Variants in PRKN observed in about 807,000 individuals in gnomAD.
PRKN encodes E3 ubiquitin-protein ligase parkin.
A neutral mutation model predicts 59.5 loss-of-function variants in PRKN; 56 were observed. That is an observed-to-expected ratio of 0.94 (90% CI 0.76 to 1.18). The LOEUF is 1.18. Ranked by LOEUF, PRKN falls within the 50% of genes most tolerant of loss-of-function variation. The pLI, the probability that PRKN is intolerant of heterozygous loss-of-function variation, is 0.00. For synonymous variants in PRKN, 250 were observed against 222.1 expected (o/e 1.13, Z -1.12); for missense variants, 657 against 596.4 (o/e 1.10, Z -1.06).
intron 2 of PRKN, among the ~76,000 whole-genome samples, chr6:162,276,456 T>C (rs767241451): frequency 2.0e-5 from 3 of 152,196 alleles, no homozygotes; most frequent in Non-Finnish European, 4.4e-5. Flanking sequence ...GTGGCTATGA[T>C]TACAACTAAA....
chr6:161,452,913 T>C (rs1410692046), intron 9 of PRKN, among the ~76,000 whole-genome samples: 1 of 151,812 alleles, frequency 6.6e-6, no homozygotes, highest in African/African-American at 2.4e-5. Context: ...AATACCTCCA[T>C]TCAAGTCACT....
intron 6 of PRKN, among the ~76,000 whole-genome samples, chr6:161,875,052 A>G (rs1177972607): frequency 8.4e-6 from 1 of 119,628 alleles, no homozygotes; most frequent in African/African-American, 3.6e-5. Flanking sequence ...TATATTATAT[A>G]TAAAGTATAT....
intron 4 of PRKN, among the ~76,000 whole-genome samples, chr6:162,160,934 T>C (rs1047852205): frequency 2.0e-5 from 3 of 149,022 alleles, no homozygotes; most frequent in Non-Finnish European, 3.0e-5. Flanking sequence ...GAGGGGACTT[T>C]CTATCAGGCA....
intron 2 of PRKN, among the ~76,000 whole-genome samples, chr6:162,300,857 C>T (rs78515129): frequency 0.058 from 8,848 of 152,114 alleles, 341 homozygotes; most frequent in Middle Eastern, 0.14. Flanking sequence ...TTGTCTTCAA[C>T]CTATACATTA....
chr6:161,975,627 C>T (rs1789994), intron 5 of PRKN, among the ~76,000 whole-genome samples: 34,805 of 151,856 alleles, frequency 0.23, 4,201 homozygotes, highest in South Asian at 0.27. Context: ...GGAGGGGGCA[C>T]GGACTTGCTA....
chr6:161,731,853 C>A (rs1349734599), intron 7 of PRKN, among the ~76,000 whole-genome samples: 3 of 152,076 alleles, frequency 2.0e-5, no homozygotes, highest in Non-Finnish European at 4.4e-5. Flanking sequence ...TATACACACA[C>A]CAAATATAAA....
chr6:162,239,145 T>C (rs993230824), intron 3 of PRKN, among the ~76,000 whole-genome samples: 3 of 152,150 alleles, frequency 2.0e-5, no homozygotes, highest in African/African-American at 4.8e-5. Context: ...AAGTACACTA[T>C]GGATTTGATG....
intron 1 of PRKN, among the ~76,000 whole-genome samples, chr6:162,499,920 G>T (rs1793282292): frequency 6.6e-6 from 1 of 152,040 alleles, no homozygotes. Flanking sequence ...CAAAAAAAAG[G>T]TTGCCTTGAC....
At chr6:162,151,161 CCT>C (rs1194384873) in intron 4 of PRKN, among the ~76,000 whole-genome samples, 2 of 152,126 alleles carry the variant, frequency 1.3e-5, no homozygotes, top group Non-Finnish European at 2.9e-5. Flanking sequence ...CCTGAAATTT[CCT>C]CTGTCTTGAA....
At chr6:162,476,471 CTG>C (rs1441175673) in intron 1 of PRKN, among the ~76,000 whole-genome samples, 2 of 152,164 alleles carry the variant, frequency 1.3e-5, no homozygotes, top group Non-Finnish European at 2.9e-5. Context: ...GACTCATAAA[CTG>C]TGTAAATTCA....
chr6:162,640,641 T>G (rs773297250), intron 1 of PRKN, among the ~76,000 whole-genome samples: 37 of 152,232 alleles, frequency 2.4e-4, no homozygotes, highest in Non-Finnish European at 4.0e-4. Context: ...TAAGTTTTAT[T>G]CTGCTGGATA....
intron 7 of PRKN, among the ~76,000 whole-genome samples, chr6:161,682,032 A>G (rs4709540): frequency 0.27 from 41,787 of 152,144 alleles, 6,346 homozygotes; most frequent in Admixed American, 0.49. Context: ...GGCTGTGAGG[A>G]GAAGAGAGAG....
In PRKN at chr6:161,407,075, T is replaced by G. The variant is rs1787309920; in HGVS notation, c.1084-20198A>C. On this transcript the variant is annotated intron_variant, in intron 9 of 11. Transcript: ENST00000366898. The surrounding 1 kb of genome is among the most constrained non-coding windows in gnomAD (Gnocchi z 4.9). Reference sequence around the variant, plus strand: ...TTATTTCAAATTAAGATCACCAAATTATATTTACATAAAAGCCTCTATAAT... The same window carrying G: ...TTATTTCAAATTAAGATCACCAAATGATATTTACATAAAAGCCTCTATAAT... Among the ~76,000 whole-genome samples the G allele has an allele frequency of 6.6e-6, 1 of 152,194 alleles. No homozygotes were observed. Among genetic ancestry groups the G allele is most frequent in the East Asian group, 1.9e-4 (1 of 5,202 alleles).
intron 5 of PRKN, among the ~76,000 whole-genome samples, chr6:162,026,152 A>G (rs1783426494): frequency 9.2e-6 from 1 of 109,104 alleles, no homozygotes. Context: ...TTGCTTTGAA[A>G]TATGTTGACA....
chr6:162,294,758 T>C (rs1781592705), intron 2 of PRKN, among the ~76,000 whole-genome samples: 1 of 151,414 alleles, frequency 6.6e-6, no homozygotes, highest in African/African-American at 2.4e-5. Flanking sequence ...AGAAATACAA[T>C]ACAATAAAAA....
At chr6:161,513,882 T>C (rs1778491673) in intron 9 of PRKN, among the ~76,000 whole-genome samples, 1 of 152,064 alleles carries the variant, frequency 6.6e-6, no homozygotes, top group Non-Finnish European at 1.5e-5. Flanking sequence ...CCCTCCTCTA[T>C]AAAATGGTGA....
intron 2 of PRKN, among the ~76,000 whole-genome samples, chr6:162,365,416 A>G (rs1785384012): frequency 6.6e-6 from 1 of 152,144 alleles, no homozygotes; most frequent in African/African-American, 2.4e-5. Context: ...GAATGTTGAA[A>G]TATTTTCCCC....
chr6:161,561,849 A>G lies in PRKN; in HGVS notation c.933+7506T>C, dbSNP rs1780466607. 6.6e-6 allele frequency among the ~76,000 whole-genome samples: 1 copy of G among 152,078 alleles called. No homozygotes were observed. The highest frequency in any genetic ancestry group is 2.4e-5 in the African/African-American group (1 of 41,408). On this transcript the variant is annotated intron_variant, in intron 8 of 11. Transcript: ENST00000366898. The surrounding 1 kb of genome is among the most constrained non-coding windows in gnomAD (Gnocchi z 5.0). ...CTTCATAGCAAACCCTCTAGAAGGA[A>G]TTATCCTCCCCTTCTGTTCACTCTT...
chr6:161,490,327 TGCTTGCTTGC>T (rs1490251488), intron 9 of PRKN, among the ~76,000 whole-genome samples: 49 of 146,652 alleles, frequency 3.3e-4, no homozygotes, highest in Admixed American at 7.5e-4. Context: ...CTTGCTTGCT[TGCTTGCTTGC>T]TTTCTCTCTC....
Sources: allele counts gnomAD v4.1 joint callset (sites outside exome capture counted in the v4.1 genomes callset), GRCh38; gene constraint gnomAD v4.1.1; non-coding constraint Gnocchi (gnomAD v3.1); transcripts MANE v1.5; gene names NCBI Gene and HGNC (gene_info 2026-07-23, HGNC 2026-07-21).